SYK: variants seen among roughly 807,000 people sequenced by gnomAD.
SYK encodes spleen associated tyrosine kinase.
A neutral mutation model predicts 77.8 loss-of-function variants in SYK; 16 were observed. That is an observed-to-expected ratio of 0.21 (90% CI 0.14 to 0.31). The LOEUF is 0.31. SYK is among the 10% of genes least tolerant of loss of function. The probability of loss-of-function intolerance (pLI) is 1.00; values close to 1 mark genes in which losing one functional copy is unlikely to be tolerated. For missense variants in SYK, 529 were observed against 814.4 expected, an observed-to-expected ratio of 0.65 and a Z score of 4.26; for synonymous variants, 312 against 308.7, an observed-to-expected ratio of 1.01 and a Z score of -0.11.
intron 13 of SYK, among the ~76,000 whole-genome samples, chr9:90,894,016 C>T (rs1828891265): frequency 6.6e-6 from 1 of 152,166 alleles, no homozygotes; most frequent in South Asian, 2.1e-4. Context: ...GAGAGATTTC[C>T]TAGGAGACCT....
chr9:90,827,152 G>C (rs1825691105), intron 1 of SYK, among the ~76,000 whole-genome samples: 1 of 147,512 alleles, frequency 6.8e-6, no homozygotes, highest in South Asian at 2.1e-4. Context: ...TCAAGACCAA[G>C]TTCATTTTTG....
At chr9:90,886,701 C>T (rs975032192) in intron 11 of SYK, among the ~76,000 whole-genome samples, 1 of 151,892 alleles carries the variant, frequency 6.6e-6, no homozygotes, top group Non-Finnish European at 1.5e-5. Flanking sequence ...AGTGAGACTC[C>T]ATCTCAAAAA....
intron 13 of SYK, among the ~76,000 whole-genome samples, chr9:90,894,385 A>G (rs1828902823): frequency 6.6e-6 from 1 of 152,222 alleles, no homozygotes; most frequent in Admixed American, 6.5e-5. Flanking sequence ...ATGGCTGACC[A>G]CACTGATCAA....
intron 3 of SYK, among the ~76,000 whole-genome samples, chr9:90,853,904 A>G (rs1006845583): frequency 5.3e-5 from 8 of 152,116 alleles, no homozygotes; most frequent in African/African-American, 1.9e-4. Flanking sequence ...AAAAAGAAAA[A>G]AAAGAGAGCA....
At chr9:90,858,641 G>A (rs1490197061) in intron 3 of SYK, among the ~76,000 whole-genome samples, 1 of 152,240 alleles carries the variant, frequency 6.6e-6, no homozygotes. Flanking sequence ...GGAGGAGCAA[G>A]CCTTCCAAAT....
At chr9:90,892,741 G>A (rs1305362083) in intron 13 of SYK, among the ~76,000 whole-genome samples, 2 of 152,242 alleles carry the variant, frequency 1.3e-5, no homozygotes, top group East Asian at 3.8e-4. Flanking sequence ...CAAATGGAGA[G>A]AAGTTGGTGC....
intron 1 of SYK, among the ~76,000 whole-genome samples, chr9:90,841,017 CAT>C (rs1353178939): frequency 6.6e-6 from 1 of 151,846 alleles, no homozygotes; most frequent in African/African-American, 2.4e-5. Context: ...TGGTGTGCTT[CAT>C]GTGTGTGTTT....
At chr9:90,822,997 C>G (rs1204791960) in intron 1 of SYK, among the ~76,000 whole-genome samples, 1 of 152,100 alleles carries the variant, frequency 6.6e-6, no homozygotes, top group Admixed American at 6.5e-5. Flanking sequence ...TGTAAAATAC[C>G]CCTAGGCTTT....
intron 3 of SYK, among the ~76,000 whole-genome samples, chr9:90,855,584 T>C (rs977441243): frequency 5.3e-5 from 8 of 152,206 alleles, no homozygotes; most frequent in Non-Finnish European, 1.2e-4. Flanking sequence ...GGACTGTCTA[T>C]TCTTATTGTT....
At chr9:90,861,236 G>A (rs1022764405) in intron 3 of SYK, among the ~76,000 whole-genome samples, 6 of 152,098 alleles carry the variant, frequency 3.9e-5, no homozygotes, top group South Asian at 4.1e-4. Context: ...TAAGCCTTAC[G>A]TGGCATGCAC....
chr9:90,810,349 C>T (rs1175915949), intron 1 of SYK, among the ~76,000 whole-genome samples: 3 of 152,176 alleles, frequency 2.0e-5, no homozygotes, highest in African/African-American at 7.2e-5. Flanking sequence ...GGGTCCAGAT[C>T]TCCTTTTCAT....
At chr9:90,822,338 T>C (rs1169214798) in intron 1 of SYK, among the ~76,000 whole-genome samples, 8 of 152,192 alleles carry the variant, frequency 5.3e-5, no homozygotes, top group African/African-American at 1.9e-4. Flanking sequence ...TGACTGGCAC[T>C]GTTTTGGTAC....
intron 1 of SYK, among the ~76,000 whole-genome samples, chr9:90,827,911 C>T (rs750820908): frequency 6.6e-6 from 1 of 152,154 alleles, no homozygotes; most frequent in African/African-American, 2.4e-5. Context: ...TCATAAGCTC[C>T]TGTAATATCT....
chr9:90,863,938 T>C (rs779606242), intron 4 of SYK, among the ~76,000 whole-genome samples: 10 of 152,360 alleles, frequency 6.6e-5, no homozygotes, highest in Non-Finnish European at 1.0e-4. Flanking sequence ...TTACTATTTG[T>C]ATTGATTCCC....
At chr9:90,820,745 A>G (rs770981599) in intron 1 of SYK, among the ~76,000 whole-genome samples, 1 of 152,148 alleles carries the variant, frequency 6.6e-6, no homozygotes, top group African/African-American at 2.4e-5. Flanking sequence ...GGGGATTAAC[A>G]TTAGGCTCAT....
Position 90,814,134 on chromosome 9 carries a change from C to A in SYK, c.-42+12241C>A, listed in dbSNP as rs917662453. On this transcript the variant is annotated intron_variant, in intron 1 of 13. Coordinates refer to ENST00000375754, the MANE Select transcript of SYK (RefSeq NM_003177.7). ...TCAGATATGACTTGGATATAGTCAACTAGATATTTAGTGAAAAATGTATCA... is the reference window on the plus strand; with the variant it reads ...TCAGATATGACTTGGATATAGTCAAATAGATATTTAGTGAAAAATGTATCA... Among the ~76,000 whole-genome samples the A allele has an allele frequency of 1.5e-4, 22 of 150,202 alleles. No individual in the cohort carries two copies. The East Asian group carries it at 1.7e-3, about 12-fold the overall frequency.
intron 6 of SYK, among the ~76,000 whole-genome samples, chr9:90,865,563 C>T (rs1827452850): frequency 6.6e-6 from 1 of 152,166 alleles, no homozygotes; most frequent in Admixed American, 6.5e-5. Context: ...CCTGCTTCGA[C>T]CTCCCAAAGT....
At chr9:90,832,542 T>C (rs1017689577) in intron 1 of SYK, among the ~76,000 whole-genome samples, 1 of 152,216 alleles carries the variant, frequency 6.6e-6, no homozygotes, top group African/African-American at 2.4e-5. Context: ...AAGCACACAC[T>C]GGGCTCAGCT....
chr9:90,875,712 T>C (rs1827900580), intron 9 of SYK, among the ~76,000 whole-genome samples: 1 of 152,230 alleles, frequency 6.6e-6, no homozygotes, highest in African/African-American at 2.4e-5. Flanking sequence ...ACAATACATA[T>C]TATACAACAG....
Sources: gnomAD v4.1 joint callset for allele counts (sites outside exome capture counted in the v4.1 genomes callset) on GRCh38, gnomAD v4.1.1 for gene constraint, MANE v1.5 for transcripts, NCBI Gene and HGNC (gene_info 2026-07-23, HGNC 2026-07-21) for gene names.